The following MYO3A variants were observed in gnomAD, a reference collection of about 807,000 sequenced individuals.
MYO3A encodes myosin-IIIa.
A neutral mutation model predicts 192.7 loss-of-function variants in MYO3A; 180 were observed. The ratio of observed to expected loss-of-function variants is 0.93; its 90% confidence interval spans 0.83 to 1.06. MYO3A has a LOEUF of 1.06. MYO3A is among the 50% of genes least tolerant of loss of function. The pLI is 0.00. For missense variants in MYO3A, 1,896 were observed against 1,905.0 expected, an observed-to-expected ratio of 1.00 and a Z score of 0.09; for synonymous variants, 628 against 645.3, an observed-to-expected ratio of 0.97 and a Z score of 0.41.
intron 29 of MYO3A, among the ~76,000 whole-genome samples, chr10:26,171,450 G>A (rs761670587): frequency 2.0e-5 from 3 of 150,194 alleles, no homozygotes; most frequent in Non-Finnish European, 4.5e-5. Context: ...TGGTCTCACA[G>A]ATGATCTCAT....
chr10:26,207,194 C>T (rs923516233), intron 34 of MYO3A, among the ~76,000 whole-genome samples: 4 of 151,812 alleles, frequency 2.6e-5, no homozygotes, highest in South Asian at 2.1e-4. Flanking sequence ...TGAATGCTTC[C>T]TCTGCTGTGC....
chr10:25,966,832 G>C (rs1744790021), intron 4 of MYO3A, among the ~76,000 whole-genome samples: 1 of 152,164 alleles, frequency 6.6e-6, no homozygotes, highest in Non-Finnish European at 1.5e-5. Flanking sequence ...TGACAGACCA[G>C]GTATTGACAT....
At chr10:26,200,013 T>A (rs1253239944) in intron 32 of MYO3A, among the ~76,000 whole-genome samples, 1 of 152,158 alleles carries the variant, frequency 6.6e-6, no homozygotes, top group Non-Finnish European at 1.5e-5. Context: ...ATGCAGGCAA[T>A]GTAATTATTT....
intron 4 of MYO3A, among the ~76,000 whole-genome samples, chr10:25,961,613 T>C (rs1328498866): frequency 6.6e-6 from 1 of 152,100 alleles, no homozygotes; most frequent in Non-Finnish European, 1.5e-5. Flanking sequence ...CAAAATCTGA[T>C]CTACTTGAAT....
chr10:26,193,408 C>A, intron 32 of MYO3A, 97 bp downstream of exon 32: 1 of 996,752 alleles, frequency 1.0e-6, no homozygotes, highest in Non-Finnish European at 1.6e-6. Flanking sequence ...CAAAGGAAGG[C>A]CTGGCAGGAC....
intron 15 of MYO3A, among the ~76,000 whole-genome samples, chr10:26,088,926 G>T (rs547172964): frequency 6.6e-6 from 1 of 152,280 alleles, no homozygotes; most frequent in Admixed American, 6.5e-5. Flanking sequence ...TAAGTTGAAT[G>T]AATTCCTTTT....
In MYO3A at chr10:26,128,491, G is replaced by A; in HGVS notation, c.2215G>A (p.Glu739Lys). The A allele has an allele frequency of 6.2e-7, 1 of 1,612,734 alleles. No homozygotes were observed. The highest frequency in any genetic ancestry group is 8.5e-7 in the Non-Finnish European group (1 of 1,179,164). The change falls in exon 20 of 35, where the codon GAA (glutamate) becomes AAA (lysine). Residue 739 changes from glutamate (E) to lysine (K), a missense_variant. Physicochemically the swap from Glu to Lys is moderately conservative, Grantham distance 56. Transcript: ENST00000642920. ...GCAGCTGTGCATTAACATTGCAAAT[G>A]AACAAATTCAGTATTATTATAATCA... is the stretch of plus-strand genomic sequence containing the variant. ...FEQLCINIANEQIQYYYNQHV... is the reference protein window; with the variant it reads ...FEQLCINIANKQIQYYYNQHV...
rs575323390 is a variant in MYO3A, at chr10:26,153,976, G to A, written c.2715+47G>A. ...TGGCAGTGAGTCTAAGAATCTAACCGGTATGATGGCAATATTTGTATGCTT... is the reference window on the plus strand; with the variant it reads ...TGGCAGTGAGTCTAAGAATCTAACCAGTATGATGGCAATATTTGTATGCTT... On this transcript the variant is annotated intron_variant, in intron 24 of 34. Coordinates refer to ENST00000642920, the MANE Select transcript of MYO3A (RefSeq NM_017433.5). The A allele has an allele frequency of 1.1e-4, 137 of 1,301,228 alleles. 2 individuals are homozygous for A. The South Asian group carries it at 1.2e-3, about 12-fold the overall frequency. 80.6% of individuals were successfully genotyped at this position (1,301,228 alleles called of 1,614,324 possible).
chr10:26,026,240 T>A lies in MYO3A; in HGVS notation c.798-137T>A. 4 of 1,020,258 alleles carry A rather than the reference T, an allele frequency of 3.9e-6. No individual in the cohort carries two copies. In the South Asian group the frequency reaches 4.8e-5, roughly 12 times the overall value. 63.2% of individuals were successfully genotyped at this position (1,020,258 alleles called of 1,614,324 possible). On this transcript the variant is annotated intron_variant, in intron 9 of 34. Coordinates refer to ENST00000642920, the MANE Select transcript of MYO3A (RefSeq NM_017433.5). Reference sequence around the variant, plus strand: ...ATTTTTGAGAGATTAAAAATTGCAATTAATATATTTTAAGCTTGGGCTGAG... The same window carrying A: ...ATTTTTGAGAGATTAAAAATTGCAAATAATATATTTTAAGCTTGGGCTGAG...
chr10:26,067,639 G>T (rs1435923368), intron 11 of MYO3A, among the ~76,000 whole-genome samples: 1 of 151,758 alleles, frequency 6.6e-6, no homozygotes, highest in African/African-American at 2.4e-5. Context: ...ATTGAATTCT[G>T]CTTGGAACTC....
intron 26 of MYO3A, among the ~76,000 whole-genome samples, chr10:26,158,262 T>A (rs534154779): frequency 1.6e-3 from 250 of 152,092 alleles, no homozygotes; most frequent in African/African-American, 5.9e-3. Flanking sequence ...TTATTTTTTT[T>A]TTTTTTTTGA....
At chr10:26,006,643 A>C (rs921239693) in intron 6 of MYO3A, among the ~76,000 whole-genome samples, 4 of 152,230 alleles carry the variant, frequency 2.6e-5, no homozygotes, top group African/African-American at 9.6e-5. Context: ...GAAATGGATA[A>C]ATTCCTGGAC....
intron 25 of MYO3A, among the ~76,000 whole-genome samples, 187 bp downstream of exon 25, chr10:26,155,010 T>C (rs1253302892): frequency 6.6e-6 from 1 of 152,242 alleles, no homozygotes. Context: ...ATTCTACCTG[T>C]GAAATTATTG....
chr10:26,096,721 C>A (rs201102410), intron 17 of MYO3A, 39 bp downstream of exon 17: 5 of 1,342,096 alleles, frequency 3.7e-6, no homozygotes, highest in South Asian at 1.2e-5. Flanking sequence ...TAGAAAGTAT[C>A]TTTTTATCAT....
intron 34 of MYO3A, among the ~76,000 whole-genome samples, chr10:26,206,166 G>A (rs1220651447): frequency 6.8e-6 from 1 of 147,988 alleles, no homozygotes; most frequent in African/African-American, 2.5e-5. Flanking sequence ...GTTCAAGCGA[G>A]TCTCCTGCCT....
chr10:26,101,708 A>G lies in MYO3A; in HGVS notation c.1776+5026A>G, dbSNP rs554075439. Among the ~76,000 whole-genome samples, 3 of 152,270 alleles carry G rather than the reference A, an allele frequency of 2.0e-5. No individual in the cohort carries two copies. In the South Asian group the frequency reaches 6.2e-4, roughly 32 times the overall value. Reference sequence around the variant, plus strand: ...TGGGTTGAAAATTCTTTTCTTTAAGAATTTTGAATATTGGCCCCCACTCTT... The same window carrying G: ...TGGGTTGAAAATTCTTTTCTTTAAGGATTTTGAATATTGGCCCCCACTCTT... On this transcript the variant is annotated intron_variant, in intron 17 of 34. Transcript: ENST00000642920.
At position 26,110,869 on chromosome 10, in the gene MYO3A, CT is replaced by C. The variant is rs398054216; in HGVS notation, c.1777-9790del. On this transcript the variant is annotated intron_variant, in intron 17 of 34. Coordinates refer to ENST00000642920, the MANE Select transcript of MYO3A (RefSeq NM_017433.5). ...AAAATCGTTTTTTGGGTTTTCTTTTCTTTTTTTTTTTTTTTTTAAGAGATGG... is the reference window on the plus strand; with the variant it reads ...AAAATCGTTTTTTGGGTTTTCTTTTCTTTTTTTTTTTTTTTTAAGAGATGG... 6.7e-3 allele frequency among the ~76,000 whole-genome samples: 867 copies of C among 130,336 alleles called. 6 individuals are homozygous for C. The highest frequency in any genetic ancestry group is 0.026 in the East Asian group (117 of 4,440). 85.5% of individuals were successfully genotyped at this position (130,336 alleles called of 152,430 possible).
At chr10:26,006,124 A>G (rs930194820) in intron 6 of MYO3A, among the ~76,000 whole-genome samples, 1 of 152,184 alleles carries the variant, frequency 6.6e-6, no homozygotes, top group African/African-American at 2.4e-5. Flanking sequence ...AGATGCCCCA[A>G]CTAGCTACTG....
At chr10:25,967,571 A>G (rs1163783153) in intron 4 of MYO3A, among the ~76,000 whole-genome samples, 1 of 152,232 alleles carries the variant, frequency 6.6e-6, no homozygotes, top group African/African-American at 2.4e-5. Context: ...TTAGATCACT[A>G]GATATGTGAA....
Sources: gnomAD v4.1 joint callset for allele counts (sites outside exome capture counted in the v4.1 genomes callset) on GRCh38, gnomAD v4.1.1 for gene constraint, MANE v1.5 for transcripts, NCBI Gene and HGNC (gene_info 2026-07-23, HGNC 2026-07-21) for gene names.